Variants in CDH13 observed in about 807,000 individuals in gnomAD.
The protein encoded by CDH13 is cadherin 13.
In CDH13, 24 loss-of-function variants were observed where a neutral mutation model predicts 63.8. The ratio of observed to expected loss-of-function variants is 0.38; its 90% CI spans 0.27 to 0.53. The LOEUF (loss-of-function observed/expected upper bound fraction) is 0.53, where lower values mean the gene tolerates loss of function less well. Among genes scored for constraint, CDH13 ranks in the 20% least tolerant of loss-of-function variants. The pLI, the probability that CDH13 is intolerant of heterozygous loss-of-function variation, is 0.85. For synonymous variants in CDH13, 503 were observed against 355.3 expected, an observed-to-expected ratio of 1.42 and a Z score of -4.67; for missense variants, 1,049 against 903.1, an observed-to-expected ratio of 1.16 and a Z score of -2.07.
At chr16:82,995,651 T>C (rs1912124467) in intron 2 of CDH13, among the ~76,000 whole-genome samples, 1 of 152,170 alleles carries the variant, frequency 6.6e-6, no homozygotes, top group African/African-American at 2.4e-5. Context: ...TATAACACCA[T>C]GGTGTATCGT....
chr16:82,993,813 G>T (rs914301131), intron 2 of CDH13, among the ~76,000 whole-genome samples: 2 of 152,110 alleles, frequency 1.3e-5, no homozygotes, highest in African/African-American at 4.8e-5. Context: ...TTCCTGAAAC[G>T]TCATTTTGAC....
intron 6 of CDH13, among the ~76,000 whole-genome samples, chr16:83,416,116 A>C (rs1277793608): frequency 6.6e-6 from 1 of 152,216 alleles, no homozygotes; most frequent in Admixed American, 6.5e-5. Context: ...TAACTGATCT[A>C]AAAAGGAAAT....
At chr16:83,369,309 G>T (rs2091318758) in intron 6 of CDH13, among the ~76,000 whole-genome samples, 2 of 150,970 alleles carry the variant, frequency 1.3e-5, no homozygotes, top group South Asian at 4.2e-4. Flanking sequence ...CAAGTCACCT[G>T]TTTTTTTTTC....
intron 2 of CDH13, among the ~76,000 whole-genome samples, chr16:82,881,838 C>A (rs1377220806): frequency 6.6e-6 from 1 of 152,026 alleles, no homozygotes; most frequent in Non-Finnish European, 1.5e-5. Flanking sequence ...GGTTCATGAC[C>A]CCCACACCCA....
intron 2 of CDH13, chr16:82,859,586 GA>G (rs1409642446): frequency 1.3e-5 from 2 of 152,004 alleles, no homozygotes; most frequent in Non-Finnish European, 2.9e-5. Context: ...AGAAGAAGAA[GA>G]AAATTAAAAT....
chr16:83,573,245 C>T (rs939221326), intron 7 of CDH13, among the ~76,000 whole-genome samples: 2 of 152,098 alleles, frequency 1.3e-5, no homozygotes, highest in African/African-American at 4.8e-5. Context: ...TATGTGGCTT[C>T]CAACAAGTGA....
At chr16:83,023,254 G>A (rs1915505053) in intron 2 of CDH13, among the ~76,000 whole-genome samples, 1 of 152,080 alleles carries the variant, frequency 6.6e-6, no homozygotes, top group East Asian at 1.9e-4. Context: ...TCTGAGTGTT[G>A]CCTTTTGTCT....
chr16:83,483,407 A>T (rs1450134745), intron 6 of CDH13, among the ~76,000 whole-genome samples: 6 of 152,160 alleles, frequency 3.9e-5, no homozygotes, highest in Admixed American at 2.0e-4. Flanking sequence ...ACCTGTAAAC[A>T]AAAAGATATC....
chr16:83,098,599 A>G (rs1384961078), intron 3 of CDH13, among the ~76,000 whole-genome samples: 2 of 152,190 alleles, frequency 1.3e-5, no homozygotes, highest in African/African-American at 2.4e-5. Flanking sequence ...TTTGCTTTCA[A>G]TAATGGGAGA....
chr16:82,691,446 C>T (rs1321725824), intron 1 of CDH13, among the ~76,000 whole-genome samples: 1 of 152,144 alleles, frequency 6.6e-6, no homozygotes, highest in Admixed American at 6.5e-5. Context: ...TCCCAGCCTC[C>T]CTGCCCTTTG....
rs534774192 is a variant in CDH13 at position 83,195,351 on chromosome 16, G to T, written c.484-21994G>T. Among the ~76,000 whole-genome samples the T allele has an allele frequency of 1.8e-4, 27 of 152,296 alleles. 2 individuals are homozygous for T. The South Asian group carries it at 4.8e-3, about 27-fold the overall frequency. ...GAGATGAGGTAATTTATAAAGTAAAGAGGTTGAATTGACTCATGGTTCCAC... is the reference window on the plus strand; with the variant it reads ...GAGATGAGGTAATTTATAAAGTAAATAGGTTGAATTGACTCATGGTTCCAC... On this transcript the variant is annotated intron_variant, in intron 4 of 13. Transcript: ENST00000567109.
intron 3 of CDH13, among the ~76,000 whole-genome samples, chr16:83,038,100 A>G (rs1302254990): frequency 1.3e-5 from 2 of 151,966 alleles, no homozygotes; most frequent in African/African-American, 4.8e-5. Context: ...TAACCAAAAC[A>G]GGGGCGATTT....
intron 3 of CDH13, among the ~76,000 whole-genome samples, chr16:83,095,605 G>C (rs12928048): frequency 0.37 from 56,746 of 152,052 alleles, 12,014 homozygotes; most frequent in Middle Eastern, 0.58. Context: ...TTTGGGTACA[G>C]AACACCTCGC....
intron 2 of CDH13, among the ~76,000 whole-genome samples, chr16:83,019,430 A>G (rs1001385286): frequency 7.9e-5 from 12 of 151,650 alleles, no homozygotes; most frequent in African/African-American, 2.7e-4. Flanking sequence ...CTCCTATGAT[A>G]TCAATGCCTT....
intron 6 of CDH13, among the ~76,000 whole-genome samples, chr16:83,373,177 G>A (rs866688383): frequency 6.6e-6 from 1 of 152,142 alleles, no homozygotes; most frequent in Non-Finnish European, 1.5e-5. Flanking sequence ...GTGCATAACA[G>A]CATCCCAATA....
chr16:83,277,582 T>C (rs1379581252), intron 5 of CDH13, among the ~76,000 whole-genome samples: 1 of 152,136 alleles, frequency 6.6e-6, no homozygotes, highest in Admixed American at 6.5e-5. Flanking sequence ...CTGAGGTGTT[T>C]TGTGCGTTCA....
intron 10 of CDH13, among the ~76,000 whole-genome samples, chr16:83,708,143 G>A (rs980044002): frequency 6.6e-6 from 1 of 152,142 alleles, no homozygotes; most frequent in African/African-American, 2.4e-5. Flanking sequence ...ACCACCCATA[G>A]AGGATCCACC....
intron 7 of CDH13, among the ~76,000 whole-genome samples, chr16:83,526,919 G>A (rs1207917959): frequency 6.6e-6 from 1 of 152,132 alleles, no homozygotes; most frequent in Admixed American, 6.5e-5. Flanking sequence ...ATCATGTGAG[G>A]TTGGGAGTTT....
chr16:83,349,486 G>A (rs1294687613), intron 6 of CDH13, among the ~76,000 whole-genome samples: 1 of 152,164 alleles, frequency 6.6e-6, no homozygotes, highest in African/African-American at 2.4e-5. Context: ...GCCCTGAGAT[G>A]AAGATTGAGG....
Sources: gnomAD v4.1 joint callset for allele counts (sites outside exome capture counted in the v4.1 genomes callset) on GRCh38, gnomAD v4.1.1 for gene constraint, MANE v1.5 for transcripts, NCBI Gene and HGNC (gene_info 2026-07-23, HGNC 2026-07-21) for gene names.